Variants in ZNF324B observed in about 807,000 individuals in gnomAD.
ZNF324B encodes zinc finger protein 324B.
Under a neutral mutation model 10.6 loss-of-function variants are expected in ZNF324B, and 7 were observed. That is an observed-to-expected ratio of 0.66 (90% CI 0.38 to 1.24). The LOEUF (loss-of-function observed/expected upper bound fraction) is 1.24. Ranked by LOEUF, ZNF324B falls within the 50% of genes most tolerant of loss-of-function variation. ZNF324B has a pLI of 0.02. For synonymous variants in ZNF324B, 316 were observed against 321.0 expected (o/e 0.98, Z 0.17); for missense variants, 640 against 764.7 (o/e 0.84, Z 1.92).
the ZNF324B span, among the ~76,000 whole-genome samples, chr19:58,422,221 T>A: frequency 2.0e-5 from 3 of 152,096 alleles, no homozygotes; most frequent in Non-Finnish European, 4.4e-5. Flanking sequence ...AAATTCAACA[T>A]CCCGTCATGG....
At chr19:58,447,524 T>C (rs2052833369), upstream of ZNF324B, among the ~76,000 whole-genome samples, 1 of 152,228 alleles carries the variant, frequency 6.6e-6, no homozygotes, top group Non-Finnish European at 1.5e-5. Context: ...ACACATTAGA[T>C]GGATAATGTA....
chr19:58,451,874 G>A (rs2052861409), intron 1 of ZNF324B, 170 bp downstream of exon 1: 1 of 253,978 alleles, frequency 3.9e-6, no homozygotes, highest in South Asian at 3.2e-5. Context: ...CGGGCAGGCT[G>A]AGGCGCGGGG....
Position 58,455,788 on chromosome 19 carries a change from G to T in ZNF324B, c.844G>T (p.Glu282Ter), listed in dbSNP as rs2052912266. 1 of 1,613,984 alleles carries T rather than the reference G, an allele frequency of 6.2e-7. No homozygotes were observed. Among genetic ancestry groups the T allele is most frequent in the African/African-American group, 1.3e-5 (1 of 74,950 alleles). Residue 282 changes from glutamate (E) to a stop codon, truncating the protein, a stop_gained, in exon 4 of 4, where the codon GAG becomes TAG. Coordinates refer to ENST00000336614, the MANE Select transcript of ZNF324B (RefSeq NM_207395.3). LOFTEE classifies it low-confidence loss of function (END_TRUNC). The surrounding 1 kb of genome is among the most constrained non-coding windows in gnomAD (Gnocchi z 7.0). The part of the protein sequence containing the change: ...LLKHLRTHTG[E>*]RPYECTQCGK... ...CAAGCACCTACGCACCCACACCGGG[G>T]AGCGGCCCTACGAGTGCACCCAGTG...
At chr19:58,428,110 C>G in the ZNF324B span, among the ~76,000 whole-genome samples, 1 of 152,308 alleles carries the variant, frequency 6.6e-6, no homozygotes, top group East Asian at 1.9e-4. Flanking sequence ...GGCTTCTGCT[C>G]ACAATGTGGT....
the ZNF324B span, among the ~76,000 whole-genome samples, chr19:58,424,575 C>T: frequency 2.6e-5 from 4 of 152,104 alleles, no homozygotes; most frequent in African/African-American, 9.7e-5. Context: ...ATGAAAAAGA[C>T]AAACATACAA....
chr19:58,454,263 C>G lies in ZNF324B; in HGVS notation c.157C>G (p.Leu53Val). ...STSRPRVVIQ[L>V]ERGEEPWVPS... ...CTCCCGACCTCGTGTGGTCATTCAA[C>G]TTGAGCGTGGCGAGGAGCCCTGGGT... is the stretch of plus-strand genomic sequence containing the variant. The change falls in exon 3 of 4, where the codon CTT becomes GTT. Residue 53 changes from leucine to valine, a missense_variant. This residue lies in a region of ZNF324B where 345 missense variants were observed against 387.9 expected (regional missense o/e 0.89). Coordinates refer to ENST00000336614, the MANE Select transcript of ZNF324B (RefSeq NM_207395.3). 1.2e-6 allele frequency: 2 copies of G among 1,614,136 alleles called. No individual in the cohort carries two copies. The highest frequency in any genetic ancestry group is 1.7e-6 in the Non-Finnish European group (2 of 1,179,992).
At chr19:58,454,736 G>A (rs760269539) in intron 3 of ZNF324B, 1 of 569,586 alleles carries the variant, frequency 1.8e-6, no homozygotes, top group Non-Finnish European at 3.1e-6. Flanking sequence ...GGGGCTGATG[G>A]TGCTAGGGGA....
chr19:58,437,694 C>G, the ZNF324B span: 25 of 984,844 alleles, frequency 2.5e-5, no homozygotes, highest in Admixed American at 1.5e-3. Flanking sequence ...TGTAGGCATT[C>G]TCCCTAGCAT....
the ZNF324B span, among the ~76,000 whole-genome samples, chr19:58,424,715 C>T: frequency 2.0e-5 from 3 of 152,144 alleles, no homozygotes; most frequent in African/African-American, 4.8e-5. Flanking sequence ...TGGAGTGCAC[C>T]TGTAGTCCCA....
At chr19:58,423,116 G>A in the ZNF324B span, among the ~76,000 whole-genome samples, 1 of 151,592 alleles carries the variant, frequency 6.6e-6, no homozygotes, top group Non-Finnish European at 1.5e-5. Context: ...TGATCTGCCT[G>A]CCTCGGCCTC....
At chr19:58,451,571 G>C, upstream of ZNF324B, 1 of 516,090 alleles carries the variant, frequency 1.9e-6, no homozygotes, top group Non-Finnish European at 3.9e-6. Flanking sequence ...GCGTCTGCGC[G>C]CGTATTGGGG....
At chr19:58,445,635 G>T in the ZNF324B span, 2 of 376,250 alleles carry the variant, frequency 5.3e-6, no homozygotes, top group Non-Finnish European at 1.0e-5. Context: ...GGCTAACATG[G>T]CAAACCCCCT....
chr19:58,437,667 C>G, the ZNF324B span: 1 of 970,516 alleles, frequency 1.0e-6, no homozygotes, highest in African/African-American at 1.8e-5. Context: ...ATATTTCCAA[C>G]CCCTCCCTGT....
chr19:58,420,952 C>T, the ZNF324B span, among the ~76,000 whole-genome samples: 1 of 151,226 alleles, frequency 6.6e-6, no homozygotes, highest in South Asian at 2.1e-4. Flanking sequence ...GATCTGCCCA[C>T]CTCAGCCTTT....
In ZNF324B at chr19:58,451,672, G is replaced by T. The variant is rs760918707; in HGVS notation, c.-39G>T. 3 of 505,526 alleles carry T rather than the reference G, an allele frequency of 5.9e-6. No homozygotes were observed. The highest frequency in any genetic ancestry group is 1.2e-5 in the Non-Finnish European group (3 of 254,496). The allele number at this position is 505,526 out of a possible 1,614,324, so 31.3% of individuals were successfully genotyped here. On this transcript the variant is annotated 5_prime_UTR_variant, in exon 1 of 4. Coordinates refer to ENST00000336614, the MANE Select transcript of ZNF324B (RefSeq NM_207395.3). ...ACACCGGTGGTCTGGGCTGTGGCGC[G>T]CGGGTCGGGGCCCGAGGCGGGCGGC...
chr19:58,435,078 G>C, the ZNF324B span: 61 of 1,614,000 alleles, frequency 3.8e-5, no homozygotes, highest in Non-Finnish European at 4.9e-5. Context: ...TGTCTTTCAA[G>C]AATGGCCCAC....
In ZNF324B at chr19:58,451,646, C is replaced by A. The variant is rs777803039; in HGVS notation, c.-65C>A. On this transcript the variant is annotated 5_prime_UTR_variant, in exon 1 of 4. Transcript: ENST00000336614. ...TGTCACTTGGCTGCTCGCGTCAGGC[C>A]ACACCGGTGGTCTGGGCTGTGGCGC... 1 of 516,592 alleles carries A rather than the reference C, an allele frequency of 1.9e-6. No individual in the cohort carries two copies. Among genetic ancestry groups the A allele is most frequent in the African/African-American group, 1.9e-5 (1 of 51,660 alleles). 32.0% of individuals were successfully genotyped at this position (516,592 alleles called of 1,614,324 possible).
chr19:58,431,461 A>G, the ZNF324B span, among the ~76,000 whole-genome samples: 1 of 152,092 alleles, frequency 6.6e-6, no homozygotes, highest in East Asian at 1.9e-4. Flanking sequence ...GGGCCTTGCT[A>G]TGTTGCCCTG....
chr19:58,427,428 TTCCTTCC>T, the ZNF324B span, among the ~76,000 whole-genome samples: 1 of 47,138 alleles, frequency 2.1e-5, no homozygotes, highest in Non-Finnish European at 3.7e-5. Context: ...CCTTCCTTCC[TTCCTTCC>T]TTCCTTCCTT....
Sources: allele counts gnomAD v4.1 joint callset (sites outside exome capture counted in the v4.1 genomes callset), GRCh38; gene constraint gnomAD v4.1.1; regional missense constraint gnomAD v4.1.1; non-coding constraint Gnocchi (gnomAD v3.1); transcripts MANE v1.5; gene names NCBI Gene and HGNC (gene_info 2026-07-23, HGNC 2026-07-21).